Variants in XIAP observed in about 807,000 individuals in gnomAD.
The protein encoded by XIAP is E3 ubiquitin-protein ligase XIAP.
XIAP carries 3 observed loss-of-function variants against 33.1 expected under a neutral mutation model. The ratio of observed to expected loss-of-function variants is 0.09; its 90% CI spans 0.04 to 0.23. The LOEUF (loss-of-function observed/expected upper bound fraction) is 0.23, where lower values mean the gene tolerates loss of function less well. XIAP is among the 10% of genes least tolerant of loss of function. The pLI is 1.00. For missense variants in XIAP, 264 were observed against 363.0 expected (o/e 0.73, Z 2.22); for synonymous variants, 98 against 121.3 (o/e 0.81, Z 1.26).
At chrX:123,906,296 G>C (rs1003384184) in intron 6 of XIAP, among the ~76,000 whole-genome samples, 1 of 111,921 alleles carries the variant, frequency 8.9e-6, no homozygotes, top group African/African-American at 3.3e-5. Context: ...CTGACCTCAA[G>C]ATTTGACTCT....
chrX:123,864,455 GTTTTTTTT>G (rs1162636021), intron 1 of XIAP, among the ~76,000 whole-genome samples: 1 of 49,588 alleles, frequency 2.0e-5, no homozygotes, highest in Admixed American at 3.1e-4. Flanking sequence ...CCTTTCTTCT[GTTTTTTTT>G]TTTTTTTTTT....
At chrX:123,897,013 C>T (rs191654375) in intron 5 of XIAP, among the ~76,000 whole-genome samples, 1,321 of 103,576 alleles carry the variant, frequency 0.013, 19 homozygotes, top group African/African-American at 0.045. Flanking sequence ...CTCACCACAA[C>T]CTCCGCCTCC....
intron 1 of XIAP, among the ~76,000 whole-genome samples, chrX:123,883,553 G>A (rs1206885673): frequency 7.3e-5 from 7 of 96,174 alleles, no homozygotes; most frequent in African/African-American, 1.2e-4. Context: ...CTGGAGTGCA[G>A]TGGCGCGATC....
chrX:123,888,000 T>TA lies in XIAP; in HGVS notation c.878-617dup, dbSNP rs1556405164. ...ACTCCATCTCAGAAAAAAATAATAA[T>TA]AATTAATAAATAAATAAATAAATAA... is the stretch of plus-strand genomic sequence containing the variant. On this transcript the variant is annotated intron_variant, in intron 2 of 6. Transcript: ENST00000371199. 3.1e-3 allele frequency among the ~76,000 whole-genome samples: 308 copies of TA among 98,041 alleles called. 4 individuals are homozygous for TA. The highest frequency in any genetic ancestry group is 0.013 in the African/African-American group (290 of 22,890). 85.1% of individuals were successfully genotyped at this position (98,041 alleles called of 115,157 possible).
rs2053568128 is a variant in XIAP at position 123,907,994 on chromosome X, A to AT, written c.*814dup. On this transcript the variant is annotated 3_prime_UTR_variant, in exon 7 of 7. Transcript: ENST00000371199. ...GGGGGAGGGGCCCCAGAGGGGTTTT[A>AT]TAGGGGCCTTTTCACTTTCTACTTT... 2.7e-6 allele frequency: 1 copy of AT among 370,800 alleles called. No homozygotes were observed. Among genetic ancestry groups the AT allele is most frequent in the African/African-American group, 2.5e-5 (1 of 39,271 alleles). The allele number at this position is 370,800 out of a possible 1,213,427, so 30.6% of individuals were successfully genotyped here.
intron 1 of XIAP, among the ~76,000 whole-genome samples, chrX:123,864,711 G>A (rs1354084954): frequency 2.9e-5 from 3 of 103,100 alleles, no homozygotes; most frequent in African/African-American, 1.1e-4. Flanking sequence ...CACCGTGTGT[G>A]TGTGTGTTTT....
At chrX:123,898,847 G>T (rs1163672109) in intron 5 of XIAP, among the ~76,000 whole-genome samples, 1 of 104,654 alleles carries the variant, frequency 9.6e-6, no homozygotes, top group Non-Finnish European at 1.9e-5. Flanking sequence ...GTAGCCGGGC[G>T]CAGTGGCTCA....
intron 1 of XIAP, among the ~76,000 whole-genome samples, chrX:123,881,127 C>G (rs1287750825): frequency 1.8e-5 from 2 of 110,977 alleles, no homozygotes; most frequent in Admixed American, 2.0e-4. Flanking sequence ...TGACATTTTT[C>G]TCTTTCCGTG....
At chrX:123,871,084 A>G (rs1207069105) in intron 1 of XIAP, among the ~76,000 whole-genome samples, 1 of 111,189 alleles carries the variant, frequency 9.0e-6, no homozygotes, top group African/African-American at 3.3e-5. Context: ...CTGGGATTAC[A>G]GGCATATGCC....
intron 5 of XIAP, among the ~76,000 whole-genome samples, chrX:123,893,527 A>C (rs1299401276): frequency 9.0e-6 from 1 of 110,781 alleles, no homozygotes; most frequent in East Asian, 2.9e-4. Flanking sequence ...ATTCCGTCTC[A>C]AAAAACAAAA....
chrX:123,860,671 T>A (rs1407900825), intron 1 of XIAP: 1 of 141,937 alleles, frequency 7.0e-6, no homozygotes, highest in Non-Finnish European at 1.4e-5. Context: ...ACTGAAAGAA[T>A]AAGGGCCAAA....
chrX:123,863,590 A>G (rs1284961305), intron 1 of XIAP, among the ~76,000 whole-genome samples: 1 of 110,618 alleles, frequency 9.0e-6, no homozygotes, highest in Non-Finnish European at 1.9e-5. Context: ...GCTCACCTCA[A>G]CCTCTGCCTC....
At chrX:123,874,869 A>ATTTTTTTTTTTT (rs773693860) in intron 1 of XIAP, among the ~76,000 whole-genome samples, 2 of 42,802 alleles carry the variant, frequency 4.7e-5, no homozygotes, top group African/African-American at 1.0e-4. Context: ...TAATTCTTGT[A>ATTTTTTTTTTTT]TTTTTTTTTT....
chrX:123,897,689 A>G (rs2053474012), intron 5 of XIAP, among the ~76,000 whole-genome samples: 1 of 111,195 alleles, frequency 9.0e-6, no homozygotes, highest in Non-Finnish European at 1.9e-5. Context: ...CAGCCTCCCC[A>G]GTAGCTGGGA....
chrX:123,900,546 A>C lies in XIAP; in HGVS notation c.1153A>C (p.Ser385Arg). The C allele has an allele frequency of 8.3e-7, 1 of 1,211,096 alleles. No individual in the cohort carries two copies. The highest frequency in any genetic ancestry group is 1.1e-6 in the Non-Finnish European group (1 of 894,861). The change falls in exon 6 of 7, where the codon AGT (serine) becomes CGT (arginine). Residue 385 changes from serine (S) to arginine (R), a missense_variant. Transcript: ENST00000371199. ...ACAAGAAGCTATACGAATGGGGTTC[A>C]GTTTCAAGGACATTAAGAAAATAAT... is the stretch of plus-strand genomic sequence containing the variant. ...MVQEAIRMGF[S>R]FKDIKKIMEE...
At chrX:123,899,205 G>GTATATATATGATTT (rs2053493373) in intron 5 of XIAP, among the ~76,000 whole-genome samples, 8 of 25,703 alleles carry the variant, frequency 3.1e-4, no homozygotes, top group South Asian at 4.4e-3. Flanking sequence ...ATATGATTGT[G>GTATATATATGATTT]TATATATATA....
At chrX:123,899,454 G>A (rs2053497553) in intron 5 of XIAP, among the ~76,000 whole-genome samples, 1 of 106,278 alleles carries the variant, frequency 9.4e-6, no homozygotes, top group African/African-American at 3.4e-5. Flanking sequence ...ATATTTATCT[G>A]TGTGACTATC....
chrX:123,906,923 G>A (rs1344204526), intron 6 of XIAP, 65 bp from the exon 7 acceptor site: 13 of 1,168,683 alleles, frequency 1.1e-5, no homozygotes, highest in Non-Finnish European at 1.4e-5. Flanking sequence ...CTCAATAAAT[G>A]TTTTCAATGA....
At chrX:123,882,834 A>C (rs2053315402) in intron 1 of XIAP, among the ~76,000 whole-genome samples, 1 of 112,541 alleles carries the variant, frequency 8.9e-6, no homozygotes. Context: ...GCTGGGGTGC[A>C]GTGGCACGAT....
Sources: allele counts gnomAD v4.1 joint callset (sites outside exome capture counted in the v4.1 genomes callset), GRCh38; gene constraint gnomAD v4.1.1; transcripts MANE v1.5; gene names NCBI Gene and HGNC (gene_info 2026-07-23, HGNC 2026-07-21).